The following RAD23B variants were observed in gnomAD, a reference collection of about 807,000 sequenced individuals.
RAD23B encodes lysine-specific demethylase RAD23B.
RAD23B carries 5 observed loss-of-function variants against 49.1 expected under a neutral mutation model. The ratio of observed to expected loss-of-function variants is 0.10; its 90% CI spans 0.05 to 0.21. RAD23B has a LOEUF of 0.21. RAD23B is among the 10% of genes least tolerant of loss of function. The probability of loss-of-function intolerance (pLI) is 1.00; values close to 1 mark genes in which losing one functional copy is unlikely to be tolerated. For synonymous variants in RAD23B, 184 were observed against 165.4 expected (o/e 1.11, Z -0.86); for missense variants, 356 against 486.7 (o/e 0.73, Z 2.53).
At chr9:107,317,960 G>C (rs573633548) in intron 5 of RAD23B, among the ~76,000 whole-genome samples, 14 of 152,098 alleles carry the variant, frequency 9.2e-5, no homozygotes, top group Non-Finnish European at 1.3e-4. Flanking sequence ...CTGTGAACTT[G>C]TTCCATCGGA....
chr9:107,327,276 A>T (rs959878770), intron 9 of RAD23B, among the ~76,000 whole-genome samples: 3 of 151,860 alleles, frequency 2.0e-5, no homozygotes, highest in East Asian at 3.9e-4. Flanking sequence ...AAGTCTCTCT[A>T]ATGTTTATTT....
Position 107,283,546 on chromosome 9 carries a change from AC to A in RAD23B, c.-80del. The A allele has an allele frequency of 1.9e-6, 2 of 1,072,484 alleles. No individual in the cohort carries two copies. Among genetic ancestry groups the A allele is most frequent in the Non-Finnish European group, 2.5e-6 (2 of 802,802 alleles). 66.4% of individuals were successfully genotyped at this position (1,072,484 alleles called of 1,614,324 possible). A position where few individuals can be genotyped will look rare whatever the true frequency, so the allele number is the denominator to read the frequency against. ...CCCCAGAGCGCGAGGAGCGCGGGCG[AC>A]CCCGGGGCCCCGCCAGGCCACAGAC... On this transcript the variant is annotated 5_prime_UTR_variant, in exon 1 of 10. Coordinates refer to ENST00000358015, the MANE Select transcript of RAD23B (RefSeq NM_002874.5).
intron 3 of RAD23B, among the ~76,000 whole-genome samples, chr9:107,305,090 A>G (rs1162342667): frequency 6.6e-6 from 1 of 151,388 alleles, no homozygotes; most frequent in Non-Finnish European, 1.5e-5. Flanking sequence ...GGTGTTGGAG[A>G]CCTGTCTGGG....
At chr9:107,288,469 G>T (rs1404898457) in intron 1 of RAD23B, among the ~76,000 whole-genome samples, 2 of 152,100 alleles carry the variant, frequency 1.3e-5, no homozygotes, top group East Asian at 1.9e-4. Flanking sequence ...TTTTTGAGAT[G>T]CAGTCTTACT....
chr9:107,305,457 G>A (rs1333697465), intron 3 of RAD23B, among the ~76,000 whole-genome samples: 1 of 152,158 alleles, frequency 6.6e-6, no homozygotes, highest in East Asian at 1.9e-4. Flanking sequence ...AGAGATGGAG[G>A]AGGTAGAAGG....
In RAD23B at chr9:107,311,085, TTC is replaced by T. The variant is rs567049538; in HGVS notation, c.498-593_498-592del. Among the ~76,000 whole-genome samples, 18 of 152,348 alleles carry T rather than the reference TTC, an allele frequency of 1.2e-4. No individual in the cohort carries two copies. In the South Asian group the frequency reaches 3.7e-3, roughly 32 times the overall value. On this transcript the variant is annotated intron_variant, in intron 4 of 9. Transcript: ENST00000358015. ...TAATTTTCTGTCTTTTATTGCAGAC[TTC>T]TCTGTAGTTTCCCAACAGAAACTTA...
chr9:107,295,335 AGT>A (rs1188849833), intron 1 of RAD23B, among the ~76,000 whole-genome samples: 2 of 152,156 alleles, frequency 1.3e-5, no homozygotes, highest in African/African-American at 4.8e-5. Flanking sequence ...AAGTGAACTG[AGT>A]GAGAGAGAGG....
At chr9:107,305,073 G>T (rs1346633907) in intron 3 of RAD23B, among the ~76,000 whole-genome samples, 13 of 152,078 alleles carry the variant, frequency 8.5e-5, no homozygotes, top group Non-Finnish European at 1.5e-5. Context: ...CGGATCGCTT[G>T]AGCTCAGGTG....
chr9:107,289,189 C>T (rs1833337560), intron 1 of RAD23B, among the ~76,000 whole-genome samples: 1 of 149,224 alleles, frequency 6.7e-6, no homozygotes. Context: ...CCCTTCCTTC[C>T]TTCCCTTCCT....
In RAD23B at chr9:107,321,985, A is replaced by G; in HGVS notation, c.684A>G (p.Gly228=). The G allele has an allele frequency of 6.2e-7, 1 of 1,603,802 alleles. No homozygotes were observed. Among genetic ancestry groups the G allele is most frequent in the Non-Finnish European group, 8.5e-7 (1 of 1,176,364 alleles). The change falls in exon 7 of 10, where the codon GGA becomes GGG. Residue 228 remains glycine, a splice_region_variant and synonymous_variant. Coordinates refer to ENST00000358015, the MANE Select transcript of RAD23B (RefSeq NM_002874.5). ...AAAGCTTGGAAATTCTATTACAGGGAATCCCTGGAGATAGAGAAAGTCAGG... is the reference window on the plus strand; with the variant it reads ...AAAGCTTGGAAATTCTATTACAGGGGATCCCTGGAGATAGAGAAAGTCAGG... ...PDRAVEYLLM[G]IPGDRESQAV...
intron 1 of RAD23B, among the ~76,000 whole-genome samples, chr9:107,292,645 A>G (rs1327859823): frequency 2.2e-5 from 3 of 137,102 alleles, no homozygotes; most frequent in Admixed American, 1.7e-4. Context: ...GTGCCACTAC[A>G]CTCCAGCCTG....
chr9:107,328,545 A>AG (rs1295820987), intron 9 of RAD23B, among the ~76,000 whole-genome samples: 1 of 152,148 alleles, frequency 6.6e-6, no homozygotes, highest in Non-Finnish European at 1.5e-5. Context: ...CTCATATGAG[A>AG]ATCTAATGCC....
intron 1 of RAD23B, among the ~76,000 whole-genome samples, chr9:107,298,282 A>G (rs774843810): frequency 1.3e-5 from 2 of 152,066 alleles, no homozygotes; most frequent in East Asian, 1.9e-4. Flanking sequence ...GAGGGCTCCA[A>G]AATAACTTTT....
chr9:107,298,474 A>ATTTTTTTTT (rs35923233), intron 1 of RAD23B, among the ~76,000 whole-genome samples: 7 of 53,112 alleles, frequency 1.3e-4, no homozygotes, highest in African/African-American at 4.1e-4. Context: ...TGCTTGGCTA[A>ATTTTTTTTT]TTTTTTTTTT....
chr9:107,294,060 A>C (rs1011410916), intron 1 of RAD23B, among the ~76,000 whole-genome samples: 37 of 152,242 alleles, frequency 2.4e-4, no homozygotes, highest in African/African-American at 8.9e-4. Context: ...GGCCTGAACT[A>C]GAATAGTGCC....
At chr9:107,326,627 C>CTTTTTTTTT (rs796381629) in intron 9 of RAD23B, among the ~76,000 whole-genome samples, 9 of 67,568 alleles carry the variant, frequency 1.3e-4, no homozygotes, top group Non-Finnish European at 2.0e-4. Flanking sequence ...TTTTGTATTT[C>CTTTTTTTTT]TTTTTTTTTT....
rs1007590926 is a variant in RAD23B, at chr9:107,331,797, G to A, written c.*2141G>A. 4 of 761,824 alleles carry A rather than the reference G, an allele frequency of 5.3e-6. No individual in the cohort carries two copies. Among genetic ancestry groups the A allele is most frequent in the Non-Finnish European group, 9.7e-6 (4 of 412,366 alleles). The allele number at this position is 761,824 out of a possible 1,614,324, so 47.2% of individuals were successfully genotyped here. A position where few individuals can be genotyped will look rare whatever the true frequency, so the allele number is the denominator to read the frequency against. On this transcript the variant is annotated 3_prime_UTR_variant, in exon 10 of 10. Transcript: ENST00000358015. ...TACTAGGATTAATTATCAGAAGACA[G>A]CTCAGGCCAAGTTTTGATCGTTCCA... is the stretch of plus-strand genomic sequence containing the variant.
intron 5 of RAD23B, among the ~76,000 whole-genome samples, chr9:107,313,149 T>C (rs1462779824): frequency 1.3e-5 from 2 of 152,174 alleles, no homozygotes; most frequent in Non-Finnish European, 2.9e-5. Context: ...CTTTTCCTGA[T>C]CCATACCTCA....
intron 9 of RAD23B, among the ~76,000 whole-genome samples, chr9:107,328,423 G>C (rs34692233): frequency 6.6e-6 from 1 of 151,990 alleles, no homozygotes; most frequent in East Asian, 1.9e-4. Context: ...GGGGTGGGGC[G>C]GTGGTTTTGG....
Sources: gnomAD v4.1 joint callset for allele counts (sites outside exome capture counted in the v4.1 genomes callset) on GRCh38, gnomAD v4.1.1 for gene constraint, MANE v1.5 for transcripts, NCBI Gene and HGNC (gene_info 2026-07-23, HGNC 2026-07-21) for gene names.